STARD13: variants seen among roughly 807,000 people sequenced by gnomAD.
STARD13 encodes StAR related lipid transfer domain containing 13.
Under a neutral mutation model 106.4 loss-of-function variants are expected in STARD13, and 62 were observed. That is an observed-to-expected ratio of 0.58 (90% CI 0.48 to 0.72). STARD13 has a LOEUF of 0.72. Ranked by LOEUF, STARD13 falls within the 30% of genes least tolerant of loss-of-function variation. STARD13 has a pLI of 0.00. For missense variants in STARD13, 1,387 were observed against 1,424.0 expected, an observed-to-expected ratio of 0.97 and a Z score of 0.42; for synonymous variants, 565 against 553.0, an observed-to-expected ratio of 1.02 and a Z score of -0.31.
chr13:33,298,428 T>C (rs141141897), intron 1 of STARD13, among the ~76,000 whole-genome samples: 2 of 151,724 alleles, frequency 1.3e-5, no homozygotes, highest in East Asian at 1.9e-4. Flanking sequence ...TGAGCCACTG[T>C]GCCCAATCCC....
rs1878040628 is a variant in STARD13 at position 33,130,063 on chromosome 13, C to T, written c.614G>A (p.Gly205Asp). 1.2e-6 allele frequency: 2 copies of T among 1,613,922 alleles called. No individual in the cohort carries two copies. The highest frequency in any genetic ancestry group is 8.5e-7 in the Non-Finnish European group (1 of 1,179,966). The stretch of plus-strand genomic sequence containing the variant: ...GCCCGGCTGGCTGCGACTGTCGCTG[C>T]CTCCACTGCTTTCGCTGTGAATGGA... ...VCSIHSESSG[G>D]SDSRSQPGQC... The change falls in exon 5 of 14, where the codon GGC becomes GAC. Residue 205 changes from glycine (G) to aspartate (D), a missense_variant. Coordinates refer to ENST00000336934, the MANE Select transcript of STARD13 (RefSeq NM_178006.4). The surrounding 1 kb of genome is among the most constrained non-coding windows in gnomAD (Gnocchi z 4.1).
chr13:33,292,832 A>G (rs919182736), intron 1 of STARD13, among the ~76,000 whole-genome samples: 5 of 152,024 alleles, frequency 3.3e-5, no homozygotes, highest in African/African-American at 1.2e-4. Flanking sequence ...CATGTCTCAG[A>G]CCATGTCAGC....
chr13:33,110,996 G>T lies in STARD13; in HGVS notation c.2608-89C>A, dbSNP rs1050217226. 1.1e-5 allele frequency: 13 copies of T among 1,215,492 alleles called. No homozygotes were observed. In the Admixed American group the frequency reaches 2.5e-4, roughly 23 times the overall value. 75.3% of individuals were successfully genotyped at this position (1,215,492 alleles called of 1,614,324 possible). On this transcript the variant is annotated intron_variant, in intron 10 of 13. Coordinates refer to ENST00000336934, the MANE Select transcript of STARD13 (RefSeq NM_178006.4). Reference sequence around the variant, plus strand: ...AGCAAAGCCATTTCACCCACAACCCGGCTCTGAGCCACGGGCCGAGGGCCA... The same window carrying T: ...AGCAAAGCCATTTCACCCACAACCCTGCTCTGAGCCACGGGCCGAGGGCCA...
Position 33,192,430 on chromosome 13 carries a change from T to G in STARD13, c.170-24808A>C, listed in dbSNP as rs112806748. ...TGATATAAGTTGTACGAGGAAAGTT[T>G]ATAGGACCTGTGAAAGCCATTCAAT... On this transcript the variant is annotated intron_variant, in intron 1 of 13. Coordinates refer to ENST00000336934, the MANE Select transcript of STARD13 (RefSeq NM_178006.4). Among the ~76,000 whole-genome samples the G allele has an allele frequency of 8.7e-3, 1,319 of 152,330 alleles. 20 individuals are homozygous for G. The highest frequency in any genetic ancestry group is 0.03 in the African/African-American group (1,249 of 41,562).
intron 3 of STARD13, among the ~76,000 whole-genome samples, chr13:33,148,481 T>C (rs1880842554): frequency 6.6e-6 from 1 of 152,168 alleles, no homozygotes; most frequent in Non-Finnish European, 1.5e-5. Flanking sequence ...AAAAAGGCAC[T>C]CAACATCACA....
chr13:33,154,439 A>G (rs1881702501), intron 3 of STARD13, among the ~76,000 whole-genome samples: 1 of 152,194 alleles, frequency 6.6e-6, no homozygotes, highest in African/African-American at 2.4e-5. Flanking sequence ...AAAATTAAGT[A>G]TATGTATGCT....
At chr13:33,623,677 C>A in the STARD13 span, among the ~76,000 whole-genome samples, 2 of 151,970 alleles carry the variant, frequency 1.3e-5, no homozygotes, top group African/African-American at 4.8e-5. Context: ...ACCAAATCAA[C>A]AAATGAGCTG....
chr13:33,127,442 C>G lies in STARD13; in HGVS notation c.1853G>C (p.Arg618Pro). Reference protein sequence around the residue: ...QTASQLSLLQRFSLLRLTAIM... With the variant: ...QTASQLSLLQPFSLLRLTAIM... ...GGCCGTGAGGCGGAGCAGTGAGAAG[C>G]GCTGGAGCAGGCTCAGCTGGCTGGC... The change falls in exon 6 of 14, where the codon CGC (arginine) becomes CCC (proline). Residue 618 changes from arginine to proline, a missense_variant. Physicochemically the swap from Arg to Pro is moderately radical, Grantham distance 103 (BLOSUM62 -2). Transcript: ENST00000336934. 1 of 1,603,762 alleles carries G rather than the reference C, an allele frequency of 6.2e-7. No homozygotes were observed. The highest frequency in any genetic ancestry group is 8.5e-7 in the Non-Finnish European group (1 of 1,178,652).
At chr13:33,487,751 G>A in the STARD13 span, among the ~76,000 whole-genome samples, 1 of 152,120 alleles carries the variant, frequency 6.6e-6, no homozygotes, top group Admixed American at 6.6e-5. Flanking sequence ...CCAAAGCCAC[G>A]TTCCTCAATC....
At chr13:33,183,106 G>A (rs565159923) in intron 1 of STARD13, among the ~76,000 whole-genome samples, 1 of 152,184 alleles carries the variant, frequency 6.6e-6, no homozygotes, top group Non-Finnish European at 1.5e-5. Context: ...CTGTATCCCA[G>A]GTTAGCTCGG....
At chr13:33,181,628 C>T (rs1312965211) in intron 1 of STARD13, among the ~76,000 whole-genome samples, 1 of 152,206 alleles carries the variant, frequency 6.6e-6, no homozygotes, top group African/African-American at 2.4e-5. Context: ...TATGAAAGTC[C>T]TTTGCAAACT....
intron 3 of STARD13, among the ~76,000 whole-genome samples, chr13:33,157,403 C>G (rs1047753507): frequency 6.6e-6 from 1 of 152,172 alleles, no homozygotes; most frequent in Non-Finnish European, 1.5e-5. Flanking sequence ...CATGGTTGCT[C>G]ACGCCTGTAA....
At chr13:33,298,721 A>G (rs1892598201) in intron 1 of STARD13, among the ~76,000 whole-genome samples, 1 of 152,196 alleles carries the variant, frequency 6.6e-6, no homozygotes, top group Admixed American at 6.5e-5. Flanking sequence ...ATTTGAGTCA[A>G]CTAGATCACA....
the STARD13 span, among the ~76,000 whole-genome samples, chr13:33,528,271 T>TATATATATAC: frequency 7.9e-6 from 1 of 127,246 alleles, no homozygotes; most frequent in African/African-American, 3.3e-5. Context: ...TATATATATA[T>TATATATATAC]ATACTCTTTT....
At chr13:33,159,813 C>G (rs973947261) in intron 3 of STARD13, among the ~76,000 whole-genome samples, 5 of 152,260 alleles carry the variant, frequency 3.3e-5, no homozygotes, top group African/African-American at 4.8e-5. Context: ...CTTAAAACTA[C>G]AAGCACTCTT....
the STARD13 span, among the ~76,000 whole-genome samples, chr13:33,574,121 G>A: frequency 6.6e-6 from 1 of 152,096 alleles, no homozygotes; most frequent in Non-Finnish European, 1.5e-5. Context: ...AGGCATACAG[G>A]GGCGCTGAGT....
chr13:33,188,384 G>A (rs965003441), intron 1 of STARD13: 4 of 152,154 alleles, frequency 2.6e-5, no homozygotes, highest in African/African-American at 7.2e-5. Context: ...CTATATTTAT[G>A]GGAATAGTGA....
the STARD13 span, among the ~76,000 whole-genome samples, chr13:33,514,439 G>C: frequency 3.3e-5 from 5 of 152,124 alleles, no homozygotes; most frequent in Admixed American, 3.3e-4. Flanking sequence ...TTGTTACCTA[G>C]TTATCTAGTT....
At chr13:33,391,968 A>G in the STARD13 span, among the ~76,000 whole-genome samples, 1 of 152,250 alleles carries the variant, frequency 6.6e-6, no homozygotes, top group African/African-American at 2.4e-5. Flanking sequence ...ATCCTAGAAT[A>G]TTATTGCTGC....
Sources: gnomAD v4.1 joint callset for allele counts (sites outside exome capture counted in the v4.1 genomes callset) on GRCh38, gnomAD v4.1.1 for gene constraint, Gnocchi (gnomAD v3.1) non-coding constraint, MANE v1.5 for transcripts, NCBI Gene and HGNC (gene_info 2026-07-23, HGNC 2026-07-21) for gene names.